GAB2: variants seen among roughly 807,000 people sequenced by gnomAD.
The protein encoded by GAB2 is GRB2 associated binding protein 2, also known as GRB2-associated-binding protein 2.
Under a neutral mutation model 65.5 loss-of-function variants are expected in GAB2, and 26 were observed. That is an observed-to-expected ratio of 0.40 (90% confidence interval 0.29 to 0.55). The LOEUF is 0.55. GAB2 is among the 20% of genes least tolerant of loss of function. GAB2 has a pLI of 0.53. For synonymous variants in GAB2, 321 were observed against 329.6 expected (o/e 0.97, Z 0.28); for missense variants, 884 against 875.8 (o/e 1.01, Z -0.12).
chr11:78,387,046 A>G (rs1043313549), intron 1 of GAB2, among the ~76,000 whole-genome samples: 1 of 152,204 alleles, frequency 6.6e-6, no homozygotes, highest in African/African-American at 2.4e-5. Flanking sequence ...GAATGAATCA[A>G]TCAATCAATG....
chr11:78,398,021 T>TACACACACACACACACACAC (rs1554999817), intron 1 of GAB2, among the ~76,000 whole-genome samples: 1,705 of 112,488 alleles, frequency 0.015, 41 homozygotes, highest in African/African-American at 0.05. Flanking sequence ...TGTGAATAGC[T>TACACACACACACACACACAC]ACACACACAC....
At chr11:78,389,393 G>A (rs185224698) in intron 1 of GAB2, among the ~76,000 whole-genome samples, 11 of 150,456 alleles carry the variant, frequency 7.3e-5, no homozygotes, top group East Asian at 2.0e-4. Context: ...TGCAACCTCC[G>A]CCTCCCGGGT....
intron 3 of GAB2, 70 bp from the exon 4 acceptor site, chr11:78,227,121 A>C: frequency 9.6e-7 from 1 of 1,042,846 alleles, no homozygotes; most frequent in South Asian, 1.3e-5. Flanking sequence ...GAGGCAAAGC[A>C]CTTTCTCTTT....
chr11:78,366,063 T>C (rs1008955870), intron 1 of GAB2, among the ~76,000 whole-genome samples: 2 of 152,244 alleles, frequency 1.3e-5, no homozygotes, highest in Non-Finnish European at 2.9e-5. Context: ...AATATACATA[T>C]GTTTTATAAA....
intron 2 of GAB2, among the ~76,000 whole-genome samples, chr11:78,277,047 A>AACC (rs1174376070): frequency 1.3e-5 from 2 of 151,886 alleles, no homozygotes; most frequent in Admixed American, 1.3e-4. Flanking sequence ...TCGATCTCCT[A>AACC]ACCTTGTGAT....
rs557171202 is a variant in GAB2, at chr11:78,362,157, C to T, written c.75+55489G>A. On this transcript the variant is annotated intron_variant, in intron 1 of 9. Transcript: ENST00000361507. The stretch of plus-strand genomic sequence containing the variant: ...GGAGGAGTTAATACGTATTTGTATG[C>T]GTATTTATAATCTCTATTAGATATA... 9.1e-4 allele frequency among the ~76,000 whole-genome samples: 138 copies of T among 151,128 alleles called. 1 individual carries two copies. Among genetic ancestry groups the T allele is most frequent in the Middle Eastern group, 3.5e-3 (1 of 286 alleles).
chr11:78,345,402 C>T (rs376655505), intron 1 of GAB2, among the ~76,000 whole-genome samples: 8 of 152,054 alleles, frequency 5.3e-5, no homozygotes, highest in Non-Finnish European at 5.9e-5. Flanking sequence ...GGCAATCCTG[C>T]GAAGGTTTAG....
At chr11:78,221,420 G>C (rs549219748) in intron 8 of GAB2, among the ~76,000 whole-genome samples, 1 of 152,298 alleles carries the variant, frequency 6.6e-6, no homozygotes, top group Admixed American at 6.5e-5. Context: ...CCATGTCACT[G>C]TCATGAGAGG....
chr11:78,384,088 A>C (rs1476292188), intron 1 of GAB2, among the ~76,000 whole-genome samples: 1 of 152,202 alleles, frequency 6.6e-6, no homozygotes, highest in East Asian at 1.9e-4. Context: ...CTATTCATTG[A>C]TTTTGTACCA....
intron 1 of GAB2, among the ~76,000 whole-genome samples, chr11:78,285,583 C>T (rs141410727): frequency 2.8e-4 from 43 of 152,272 alleles, no homozygotes; most frequent in African/African-American, 1.0e-3. Context: ...CTCCCGCCTC[C>T]GCCTCTCTTC....
intron 1 of GAB2, among the ~76,000 whole-genome samples, chr11:78,296,597 T>C (rs1257544299): frequency 5.3e-5 from 8 of 151,226 alleles, no homozygotes; most frequent in Non-Finnish European, 3.0e-5. Context: ...ACCCGATATA[T>C]GACAAAGAAG....
At chr11:78,222,856 T>A (rs1864499291) in intron 6 of GAB2, among the ~76,000 whole-genome samples, 1 of 152,218 alleles carries the variant, frequency 6.6e-6, no homozygotes, top group African/African-American at 2.4e-5. Flanking sequence ...GTGTTGGGGT[T>A]ACAGGCGTAC....
intron 1 of GAB2, among the ~76,000 whole-genome samples, chr11:78,377,374 T>C (rs1856644393): frequency 6.6e-6 from 1 of 152,174 alleles, no homozygotes; most frequent in Non-Finnish European, 1.5e-5. Flanking sequence ...TTCTCTTGTG[T>C]GTGTTCACTT....
At chr11:78,399,496 C>A (rs191867787) in intron 1 of GAB2, among the ~76,000 whole-genome samples, 47 of 152,330 alleles carry the variant, frequency 3.1e-4, no homozygotes, top group Non-Finnish European at 5.1e-4. Context: ...TTCCCAGCGA[C>A]TGGCCAAAGT....
intron 2 of GAB2, among the ~76,000 whole-genome samples, chr11:78,274,147 C>T (rs781732931): frequency 2.0e-5 from 3 of 152,088 alleles, no homozygotes; most frequent in Non-Finnish European, 4.4e-5. Context: ...TAGTGGTGCA[C>T]ACCTGTAGTC....
rs538251251 is a variant in GAB2, at chr11:78,326,481, T to C, written c.76-45580A>G. On this transcript the variant is annotated intron_variant, in intron 1 of 9. Coordinates refer to ENST00000361507, the MANE Select transcript of GAB2 (RefSeq NM_080491.3). The stretch of plus-strand genomic sequence containing the variant: ...CCCTACTGAATCAAGTTTGGACAAT[T>C]TTTTTTTCTAAATGAAGAGTAAATA... Among the ~76,000 whole-genome samples the C allele has an allele frequency of 1.5e-3, 233 of 152,236 alleles. 1 individual carries two copies. The highest frequency in any genetic ancestry group is 5.5e-3 in the African/African-American group (230 of 41,520).
chr11:78,391,121 A>C (rs1319343074), intron 1 of GAB2, among the ~76,000 whole-genome samples: 1 of 152,136 alleles, frequency 6.6e-6, no homozygotes, highest in Non-Finnish European at 1.5e-5. Flanking sequence ...ATAGTGCAAC[A>C]CCATCTCTAC....
chr11:78,231,336 G>GTGT (rs1554975133), intron 3 of GAB2, among the ~76,000 whole-genome samples: 130 of 145,896 alleles, frequency 8.9e-4, no homozygotes, highest in African/African-American at 3.2e-3. Context: ...GCGCGTGTGT[G>GTGT]GTGTGTGTGT....
At chr11:78,378,561 C>T (rs769531774) in intron 1 of GAB2, among the ~76,000 whole-genome samples, 1 of 152,212 alleles carries the variant, frequency 6.6e-6, no homozygotes, top group Non-Finnish European at 1.5e-5. Flanking sequence ...TTGGTTCTCT[C>T]TTTCTCCCTT....
Sources: allele counts gnomAD v4.1 joint callset (sites outside exome capture counted in the v4.1 genomes callset), GRCh38; gene constraint gnomAD v4.1.1; transcripts MANE v1.5; gene names NCBI Gene and HGNC (gene_info 2026-07-23, HGNC 2026-07-21).